DAB1: variants seen among roughly 807,000 people sequenced by gnomAD.
DAB1 encodes disabled homolog 1.
DAB1 carries 15 observed loss-of-function variants against 64.6 expected under a neutral mutation model. The ratio of observed to expected loss-of-function variants is 0.23; its 90% confidence interval spans 0.16 to 0.36. The LOEUF is 0.36. Among genes scored for constraint, DAB1 ranks in the 10% least tolerant of loss-of-function variants. The pLI is 1.00. For synonymous variants in DAB1, 235 were observed against 251.9 expected, an observed-to-expected ratio of 0.93 and a Z score of 0.64; for missense variants, 596 against 706.7, an observed-to-expected ratio of 0.84 and a Z score of 1.78.
In DAB1 at chr1:57,238,860, T is replaced by TAC. The variant is rs1281270538; in HGVS notation, c.67+52102_67+52103dup. Among the ~76,000 whole-genome samples, 723 of 134,010 alleles carry TAC rather than the reference T, an allele frequency of 5.4e-3. 4 individuals are homozygous for TAC. The highest frequency in any genetic ancestry group is 0.03 in the East Asian group (130 of 4,338). The allele number at this position is 134,010 out of a possible 152,430, so 87.9% of individuals were successfully genotyped here. A position where few individuals can be genotyped will look rare whatever the true frequency, so the allele number is the denominator to read the frequency against. On this transcript the variant is annotated intron_variant, in intron 2 of 14. Transcript: ENST00000371236. The stretch of plus-strand genomic sequence containing the variant: ...ACATGCGCACACACACACACACACA[T>TAC]ACACACACACACACACACACACACA...
chr1:57,798,929 C>T (rs1178129972), intron 6 of DAB1, among the ~76,000 whole-genome samples: 2 of 152,080 alleles, frequency 1.3e-5, no homozygotes, highest in African/African-American at 4.8e-5. Context: ...TTATTTTTGT[C>T]AATTGAAGAA....
intron 5 of DAB1, among the ~76,000 whole-genome samples, chr1:57,941,355 CT>C (rs1645101423): frequency 6.6e-6 from 1 of 152,140 alleles, no homozygotes; most frequent in Non-Finnish European, 1.5e-5. Flanking sequence ...TAGAGTCTCA[CT>C]TTTTTGTAGG....
At chr1:57,277,512 A>G (rs1671560437) in intron 2 of DAB1, among the ~76,000 whole-genome samples, 1 of 152,194 alleles carries the variant, frequency 6.6e-6, no homozygotes, top group Non-Finnish European at 1.5e-5. Flanking sequence ...GGGCTAAAAG[A>G]GACCTTAGCA....
intron 3 of DAB1, among the ~76,000 whole-genome samples, chr1:58,454,146 C>G (rs551979608): frequency 1.9e-3 from 290 of 152,246 alleles, no homozygotes; most frequent in African/African-American, 6.8e-3. Context: ...CACCTCTGGC[C>G]CAATTAGCAA....
chr1:57,504,400 T>C (rs1340770374), intron 7 of DAB1, among the ~76,000 whole-genome samples: 2 of 152,048 alleles, frequency 1.3e-5, no homozygotes, highest in African/African-American at 4.8e-5. Flanking sequence ...CACCCAATGA[T>C]GCGGTATGTC....
intron 2 of DAB1, among the ~76,000 whole-genome samples, chr1:58,506,976 T>C (rs1264515999): frequency 6.6e-6 from 1 of 152,098 alleles, no homozygotes; most frequent in African/African-American, 2.4e-5. Flanking sequence ...TACTCATACG[T>C]ATATACTTGT....
chr1:57,226,678 T>A (rs201919342), intron 2 of DAB1, among the ~76,000 whole-genome samples: 13,948 of 134,546 alleles, frequency 0.1, 856 homozygotes, highest in East Asian at 0.3. Flanking sequence ...AAAAAATATA[T>A]ATATATATAT....
intron 6 of DAB1, among the ~76,000 whole-genome samples, chr1:57,736,258 A>G (rs1396415531): frequency 6.6e-6 from 1 of 152,130 alleles, no homozygotes; most frequent in Non-Finnish European, 1.5e-5. Context: ...GTGTTCAGGG[A>G]AGCCAGAGAA....
chr1:57,655,226 T>C (rs1472664617), intron 6 of DAB1, among the ~76,000 whole-genome samples: 1 of 152,078 alleles, frequency 6.6e-6, no homozygotes. Flanking sequence ...ACTATCTACA[T>C]ATCCGTCCAT....
chr1:58,169,499 CT>C (rs1348391776), intron 4 of DAB1, among the ~76,000 whole-genome samples: 1 of 152,104 alleles, frequency 6.6e-6, no homozygotes, highest in Non-Finnish European at 1.5e-5. Context: ...AGAGAGGCAC[CT>C]CATTATTCTC....
At chr1:58,520,272 A>C (rs1184692958) in intron 2 of DAB1, among the ~76,000 whole-genome samples, 2 of 152,208 alleles carry the variant, frequency 1.3e-5, no homozygotes, top group African/African-American at 4.8e-5. Context: ...AAAATAAAAG[A>C]GCAAGCCACA....
intron 1 of DAB1, among the ~76,000 whole-genome samples, chr1:57,882,546 T>C (rs1644160537): frequency 6.6e-6 from 1 of 152,200 alleles, no homozygotes; most frequent in African/African-American, 2.4e-5. Flanking sequence ...CTAGCTTTTG[T>C]ACATAATAGG....
chr1:58,056,176 C>G, intron 5 of DAB1: 5 of 1,540,024 alleles, frequency 3.2e-6, no homozygotes, highest in Non-Finnish European at 4.4e-6. Flanking sequence ...ACCCGCAGGT[C>G]TAAATCGGGA....
intron 1 of DAB1, among the ~76,000 whole-genome samples, chr1:57,316,829 G>A (rs1328417070): frequency 6.6e-6 from 1 of 152,064 alleles, no homozygotes; most frequent in Non-Finnish European, 1.5e-5. Context: ...GAGGTAACAG[G>A]CAAATATGTG....
intron 3 of DAB1, among the ~76,000 whole-genome samples, chr1:58,391,595 T>G (rs1365799499): frequency 2.6e-5 from 4 of 152,232 alleles, no homozygotes; most frequent in African/African-American, 7.2e-5. Flanking sequence ...CAACTCTTTC[T>G]TCCACTTACT....
chr1:58,119,225 C>T (rs61779196), intron 5 of DAB1, among the ~76,000 whole-genome samples: 42 of 146,990 alleles, frequency 2.9e-4, no homozygotes, highest in South Asian at 8.8e-4. Flanking sequence ...TGTGTGTGTG[C>T]GTGTGTGTGT....
chr1:58,126,947 T>G (rs6672342), intron 5 of DAB1, among the ~76,000 whole-genome samples: 13,334 of 125,434 alleles, frequency 0.11, 932 homozygotes, highest in East Asian at 0.24. Flanking sequence ...ATAGCAGCAT[T>G]ATTTATAGTC....
intron 4 of DAB1, among the ~76,000 whole-genome samples, chr1:57,116,242 T>A (rs930054050): frequency 2.0e-5 from 3 of 151,370 alleles, no homozygotes; most frequent in Non-Finnish European, 2.9e-5. Context: ...GGCAGGTGGA[T>A]CACAAGTTCA....
intron 4 of DAB1, among the ~76,000 whole-genome samples, chr1:58,271,770 G>T: frequency 2.4e-5 from 1 of 41,748 alleles, no homozygotes; most frequent in Non-Finnish European, 5.5e-5. Flanking sequence ...TATGTGTTGA[G>T]GAATTTATCC....
Sources: allele counts gnomAD v4.1 joint callset (sites outside exome capture counted in the v4.1 genomes callset), GRCh38; gene constraint gnomAD v4.1.1; transcripts MANE v1.5; gene names NCBI Gene and HGNC (gene_info 2026-07-23, HGNC 2026-07-21).